Variants in ADGRL4 observed in about 807,000 individuals in gnomAD.
The protein encoded by ADGRL4 is EGF, latrophilin and seven transmembrane domain containing 1.
A neutral mutation model predicts 74.8 loss-of-function variants in ADGRL4; 90 were observed. That is an observed-to-expected ratio of 1.20 (90% confidence interval 1.02 to 1.43). ADGRL4 has a LOEUF of 1.43. ADGRL4 is among the 40% of genes most tolerant of loss of function. The pLI is 0.00. For missense variants in ADGRL4, 881 were observed against 814.3 expected, an observed-to-expected ratio of 1.08 and a Z score of -1.00; for synonymous variants, 311 against 279.2, an observed-to-expected ratio of 1.11 and a Z score of -1.14.
intron 7 of ADGRL4, among the ~76,000 whole-genome samples, chr1:78,932,776 T>G (rs180909226): frequency 6.6e-6 from 1 of 151,406 alleles, no homozygotes; most frequent in Non-Finnish European, 1.5e-5. Context: ...CAAACTACCA[T>G]CAGAGAATAC....
intron 7 of ADGRL4, among the ~76,000 whole-genome samples, chr1:78,934,475 T>C (rs1047442487): frequency 6.6e-6 from 1 of 152,116 alleles, no homozygotes; most frequent in Non-Finnish European, 1.5e-5. Flanking sequence ...GGTAATACCA[T>C]TTAGGACATA....
chr1:78,973,529 T>C (rs1227266777), intron 2 of ADGRL4, among the ~76,000 whole-genome samples: 1 of 150,988 alleles, frequency 6.6e-6, no homozygotes, highest in Non-Finnish European at 1.5e-5. Context: ...CACACGCAAA[T>C]CTCTCCTAAG....
chr1:78,937,970 A>T lies in ADGRL4; in HGVS notation c.597T>A (p.Asn199Lys). The change falls in exon 6 of 15, where the codon AAT (asparagine) becomes AAA (lysine). Residue 199 changes from asparagine (N) to lysine (K), a missense_variant. Physicochemically the swap from Asn to Lys is moderately conservative, Grantham distance 94 (BLOSUM62 0). Transcript: ENST00000370742. ...CAAATGTATCCCTTTGAACAAAATT[A>T]TTCACGGTTTTTACAAATTCCTATT... Reference protein sequence around the residue: ...STLTEFVKTVNNFVQRDTFVV... With the variant: ...STLTEFVKTVKNFVQRDTFVV... 1 of 1,610,968 alleles carries T rather than the reference A, an allele frequency of 6.2e-7. No individual in the cohort carries two copies. Among genetic ancestry groups the T allele is most frequent in the Non-Finnish European group, 8.5e-7 (1 of 1,179,192 alleles).
At chr1:78,940,590 A>C (rs1649455678) in intron 3 of ADGRL4, among the ~76,000 whole-genome samples, 1 of 152,138 alleles carries the variant, frequency 6.6e-6, no homozygotes, top group African/African-American at 2.4e-5. Context: ...CTAGATCATT[A>C]CCTTGAATTA....
At chr1:78,987,802 C>G (rs919726129) in intron 2 of ADGRL4, among the ~76,000 whole-genome samples, 3 of 151,618 alleles carry the variant, frequency 2.0e-5, no homozygotes, top group East Asian at 3.9e-4. Context: ...TTTATTTGCC[C>G]TTTTGTCCTT....
intron 2 of ADGRL4, among the ~76,000 whole-genome samples, chr1:78,985,413 A>G (rs979798545): frequency 1.3e-5 from 2 of 151,844 alleles, no homozygotes; most frequent in Non-Finnish European, 2.9e-5. Context: ...TATTACTTTT[A>G]TCAAAACAAA....
chr1:78,949,544 T>C (rs1252722993), intron 2 of ADGRL4, among the ~76,000 whole-genome samples: 3 of 152,096 alleles, frequency 2.0e-5, no homozygotes, highest in Admixed American at 6.6e-5. Context: ...TCCCTCAAGA[T>C]TGTGGAGATA....
chr1:78,927,139 G>T, intron 7 of ADGRL4, 48 bp from the exon 8 acceptor site: 1 of 1,197,024 alleles, frequency 8.4e-7, no homozygotes, highest in Non-Finnish European at 1.2e-6. Flanking sequence ...AAAACAAAGT[G>T]TATTTAGACT....
chr1:78,900,810 G>A (rs552149490), intron 12 of ADGRL4, among the ~76,000 whole-genome samples: 9 of 151,904 alleles, frequency 5.9e-5, no homozygotes, highest in African/African-American at 1.7e-4. Context: ...TAAATTACCC[G>A]GTCTCAGGCA....
At chr1:78,893,358 A>G (rs574666112) in intron 12 of ADGRL4, among the ~76,000 whole-genome samples, 169 bp from the exon 13 acceptor site, 6 of 152,090 alleles carry the variant, frequency 3.9e-5, no homozygotes, top group African/African-American at 1.4e-4. Context: ...TACCGAAAGC[A>G]ACCTGTTTAT....
At chr1:78,966,663 G>A (rs1650062995) in intron 2 of ADGRL4, among the ~76,000 whole-genome samples, 1 of 152,086 alleles carries the variant, frequency 6.6e-6, no homozygotes. Flanking sequence ...TCTTCCAGGT[G>A]GGCCTGGGGA....
intron 2 of ADGRL4, among the ~76,000 whole-genome samples, chr1:78,959,947 C>G (rs1404789148): frequency 6.6e-6 from 1 of 152,004 alleles, no homozygotes; most frequent in Non-Finnish European, 1.5e-5. Flanking sequence ...AAAGAATAAG[C>G]CAAAGCCTAA....
rs140520741 is a variant in ADGRL4, at chr1:78,992,181, A to G, written c.172+12889T>C. Among the ~76,000 whole-genome samples the G allele has an allele frequency of 8.4e-3, 1,279 of 152,194 alleles. 7 individuals are homozygous for G. The highest frequency in any genetic ancestry group is 0.017 in the Middle Eastern group (5 of 294). On this transcript the variant is annotated intron_variant, in intron 2 of 14. Transcript: ENST00000370742. Reference sequence around the variant, plus strand: ...CATTATCTCCTTTCATGGCAAATAAAGGACCAAAGTGTTAATTTCCTCCTT... The same window carrying G: ...CATTATCTCCTTTCATGGCAAATAAGGGACCAAAGTGTTAATTTCCTCCTT...
In ADGRL4 at chr1:78,895,866, T is replaced by C. The variant is rs1393100860; in HGVS notation, c.1750-2677A>G. On this transcript the variant is annotated intron_variant, in intron 12 of 14. Transcript: ENST00000370742. ...GGCTTTCTCCTTAAAGAACCTATAG[T>C]ATGCTGGAGGAGATGACCAGAAAAC... 2.0e-5 allele frequency among the ~76,000 whole-genome samples: 3 copies of C among 152,016 alleles called. No homozygotes were observed. In the Admixed American group the frequency reaches 2.0e-4, roughly 10 times the overall value.
intron 7 of ADGRL4, among the ~76,000 whole-genome samples, chr1:78,928,900 T>C (rs1431320834): frequency 6.6e-6 from 1 of 151,478 alleles, no homozygotes; most frequent in Non-Finnish European, 1.5e-5. Flanking sequence ...TTTTTCCTTA[T>C]GTTAAATTCC....
intron 2 of ADGRL4, among the ~76,000 whole-genome samples, chr1:78,996,740 T>G (rs555847045): frequency 1.1e-4 from 17 of 152,326 alleles, no homozygotes; most frequent in African/African-American, 4.1e-4. Flanking sequence ...GCTTTTTAGC[T>G]CTACAATTTG....
chr1:78,906,239 G>T (rs1456845619), intron 12 of ADGRL4, among the ~76,000 whole-genome samples: 1 of 151,852 alleles, frequency 6.6e-6, no homozygotes, highest in Non-Finnish European at 1.5e-5. Flanking sequence ...CTAAATAATT[G>T]CTCTATTTAA....
chr1:78,932,396 AC>A (rs1557502382), intron 7 of ADGRL4, among the ~76,000 whole-genome samples: 1 of 151,472 alleles, frequency 6.6e-6, no homozygotes, highest in Non-Finnish European at 1.5e-5. Context: ...GAGACAAGGT[AC>A]CAGATCTCTG....
At chr1:78,951,004 A>G (rs1342229283) in intron 2 of ADGRL4, among the ~76,000 whole-genome samples, 4 of 152,156 alleles carry the variant, frequency 2.6e-5, no homozygotes, top group Non-Finnish European at 5.9e-5. Context: ...TGAATTGTCT[A>G]TTCATGAGAG....
Sources: allele counts gnomAD v4.1 joint callset (sites outside exome capture counted in the v4.1 genomes callset), GRCh38; gene constraint gnomAD v4.1.1; transcripts MANE v1.5; gene names NCBI Gene and HGNC (gene_info 2026-07-23, HGNC 2026-07-21).